The following LIPA variants were observed in gnomAD, a reference collection of about 807,000 sequenced individuals.
The protein encoded by LIPA is lipase A, lysosomal acid type, also known as lysosomal acid lipase/cholesteryl ester hydrolase.
Under a neutral mutation model 40.6 loss-of-function variants are expected in LIPA, and 26 were observed. The ratio of observed to expected loss-of-function variants is 0.64; its 90% CI spans 0.47 to 0.89. The LOEUF (loss-of-function observed/expected upper bound fraction) is 0.89. LIPA is among the 40% of genes least tolerant of loss of function. LIPA has a pLI of 0.00. For missense variants in LIPA, 455 were observed against 479.6 expected (o/e 0.95, Z 0.48); for synonymous variants, 188 against 168.4 (o/e 1.12, Z -0.90).
At chr10:89,285,072 T>G (rs1346436923) in intron 1 of LIPA, 1 of 152,662 alleles carries the variant, frequency 6.6e-6, no homozygotes, top group South Asian at 2.1e-4. Flanking sequence ...GCTTTATTGC[T>G]CACACAAAGC....
chr10:89,340,151 T>G, intron 1 of LIPA: 1 of 1,552,066 alleles, frequency 6.4e-7, no homozygotes, highest in Non-Finnish European at 8.7e-7. Context: ...AAACAGAGCA[T>G]CAGAAGCCTG....
chr10:89,286,232 C>T (rs1001625350), intron 1 of LIPA, among the ~76,000 whole-genome samples: 2 of 152,042 alleles, frequency 1.3e-5, no homozygotes, highest in South Asian at 2.1e-4. Context: ...CCAAATCTTC[C>T]TTCTTTCCCT....
At position 89,307,253 on chromosome 10, in the gene LIPA, T is replaced by C. The variant is rs1243636547; in HGVS notation, c.-2+35358A>G. The C allele has an allele frequency of 3.1e-6, 5 of 1,614,042 alleles. No homozygotes were observed. In the Admixed American group the frequency reaches 6.7e-5, roughly 22 times the overall value. ...TAAAAATGGAGCAGATTCTGAGGCT[T>C]TGCATGTCTTGGCATTCCTTCAGGA... On this transcript the variant is annotated intron_variant, in intron 1 of 5. Transcript: ENST00000282673.
At chr10:89,253,286 G>A (rs1843156988), upstream of LIPA, among the ~76,000 whole-genome samples, 2 of 152,198 alleles carry the variant, frequency 1.3e-5, no homozygotes, top group East Asian at 1.9e-4. Flanking sequence ...AAGGAAAAAG[G>A]TTTAACTGAC....
intron 1 of LIPA, among the ~76,000 whole-genome samples, chr10:89,311,615 T>C (rs905550810): frequency 6.6e-6 from 1 of 151,950 alleles, no homozygotes; most frequent in African/African-American, 2.4e-5. Context: ...TTAAAACATA[T>C]GTATAAAACT....
intron 1 of LIPA, chr10:89,314,682 T>C (rs1208100023): frequency 6.6e-6 from 1 of 152,116 alleles, no homozygotes; most frequent in African/African-American, 2.4e-5. Context: ...AAAAAAAGAA[T>C]AGTATGAATT....
At chr10:89,263,955 C>T (rs1190232394) in intron 1 of LIPA, among the ~76,000 whole-genome samples, 1 of 152,250 alleles carries the variant, frequency 6.6e-6, no homozygotes, top group Non-Finnish European at 1.5e-5. Context: ...AGATGCACCA[C>T]AAGCAGCTTC....
intron 1 of LIPA, among the ~76,000 whole-genome samples, chr10:89,281,793 T>C (rs1843317485): frequency 6.6e-6 from 1 of 152,240 alleles, no homozygotes; most frequent in African/African-American, 2.4e-5. Context: ...ATGATGATGG[T>C]ATTTGGCAAT....
At chr10:89,263,263 G>A (rs552894780) in intron 1 of LIPA, among the ~76,000 whole-genome samples, 100 of 152,282 alleles carry the variant, frequency 6.6e-4, no homozygotes, top group Non-Finnish European at 1.3e-3. Context: ...TTTGCTGCAG[G>A]GATGGTGACC....
At chr10:89,362,560 T>A (rs1844029596) in intron 2 of LIPA, 1 of 310,026 alleles carries the variant, frequency 3.2e-6, no homozygotes, top group East Asian at 5.9e-5. Context: ...ACCAGTATCA[T>A]CACATGGGCA....
chr10:89,368,926 T>TCACACACA lies in LIPA; in HGVS notation c.61+43857_61+43864dup, dbSNP rs3063812. Among the ~76,000 whole-genome samples, 166 of 148,824 alleles carry TCACACACA rather than the reference T, an allele frequency of 1.1e-3. 3 individuals carry two copies. The East Asian group carries it at 0.024, about 22-fold the overall frequency. On this transcript the variant is annotated intron_variant, in intron 2 of 8. Coordinates refer to the LIPA transcript ENST00000371837. ...ACACTCACAAACACAAACACAAAAC[T>TCACACACA]CACACACACACACACACACACACAC...
intron 2 of LIPA, chr10:89,362,144 T>C (rs1327764986): frequency 6.6e-6 from 1 of 152,150 alleles, no homozygotes; most frequent in South Asian, 2.1e-4. Flanking sequence ...GCTTAAGCTA[T>C]CTGCCCACCT....
intron 1 of LIPA, among the ~76,000 whole-genome samples, chr10:89,336,851 C>T (rs11203074): frequency 0.062 from 9,410 of 152,112 alleles, 698 homozygotes; most frequent in African/African-American, 0.18. Flanking sequence ...GCCGTGACTC[C>T]ACTGGTAAGA....
intron 1 of LIPA, among the ~76,000 whole-genome samples, chr10:89,258,538 CAG>C (rs1452629968): frequency 6.6e-6 from 1 of 152,058 alleles, no homozygotes. Context: ...ATAAAAAATA[CAG>C]GTAATAACAA....
intron 2 of LIPA, among the ~76,000 whole-genome samples, chr10:89,371,657 T>C (rs1844092194): frequency 1.3e-5 from 2 of 152,126 alleles, no homozygotes; most frequent in Non-Finnish European, 2.9e-5. Flanking sequence ...TGCTGAACGT[T>C]TGAACTGATG....
chr10:89,284,731 T>C (rs1383296013), intron 1 of LIPA, among the ~76,000 whole-genome samples: 2 of 152,236 alleles, frequency 1.3e-5, no homozygotes, highest in African/African-American at 2.4e-5. Context: ...GTCAGGCCTC[T>C]GAGCCCAAGC....
At chr10:89,235,715 A>G (rs553205383) in intron 3 of LIPA, among the ~76,000 whole-genome samples, 1 of 152,356 alleles carries the variant, frequency 6.6e-6, no homozygotes, top group Admixed American at 6.5e-5. Flanking sequence ...GGGCAGAACC[A>G]AAACAGAGAA....
chr10:89,369,113 G>A (rs1019527107), intron 2 of LIPA, among the ~76,000 whole-genome samples: 6 of 152,156 alleles, frequency 3.9e-5, no homozygotes, highest in Non-Finnish European at 7.4e-5. Flanking sequence ...CACAGTCTAC[G>A]GCAAAGGAAA....
At chr10:89,303,999 C>T (rs1011198773) in intron 1 of LIPA, among the ~76,000 whole-genome samples, 2 of 152,198 alleles carry the variant, frequency 1.3e-5, no homozygotes, top group African/African-American at 4.8e-5. Context: ...TCCCCAGTGT[C>T]CTGTTCTGAT....
Sources: allele counts gnomAD v4.1 joint callset (sites outside exome capture counted in the v4.1 genomes callset), GRCh38; gene constraint gnomAD v4.1.1; transcripts MANE v1.5; gene names NCBI Gene and HGNC (gene_info 2026-07-23, HGNC 2026-07-21).